Variants in RSPH9 observed in about 807,000 individuals in gnomAD.
RSPH9 encodes radial spoke head component 9, also known as radial spoke head protein 9 homolog.
Under a neutral mutation model 27.0 loss-of-function variants are expected in RSPH9, and 27 were observed. The ratio of observed to expected loss-of-function variants is 1.00; its 90% confidence interval spans 0.74 to 1.38. The LOEUF (loss-of-function observed/expected upper bound fraction) is 1.38, where lower values mean the gene tolerates loss of function less well. Among genes scored for constraint, RSPH9 ranks in the 40% most tolerant of loss-of-function variants. RSPH9 has a pLI of 0.00. For synonymous variants in RSPH9, 145 were observed against 147.7 expected, an observed-to-expected ratio of 0.98 and a Z score of 0.13; for missense variants, 347 against 357.4, an observed-to-expected ratio of 0.97 and a Z score of 0.24.
intron 2 of RSPH9, among the ~76,000 whole-genome samples, chr6:43,651,768 C>T (rs926271197): frequency 3.3e-5 from 5 of 151,970 alleles, no homozygotes; most frequent in Non-Finnish European, 7.4e-5. Flanking sequence ...AGGCTGGTCT[C>T]GAACTCCTGA....
chr6:43,656,596 C>G lies in RSPH9; in HGVS notation c.543C>G (p.Ala181=). The change falls in exon 4 of 5, where the codon GCC becomes GCG. Residue 181 remains alanine, a synonymous_variant. Coordinates refer to ENST00000372163, the MANE Select transcript of RSPH9 (RefSeq NM_152732.5). ...RTFEGLSLSE[A]KKLSSYFHFR... is the part of the protein sequence containing the mutation. ...TTCTAGGACTGTCCTTGTCTGAGGC[C>G]AAGAAGCTCAGCTCCTACTTCCATT... The G allele has an allele frequency of 1.2e-6, 2 of 1,614,150 alleles. No homozygotes were observed. The highest frequency in any genetic ancestry group is 2.2e-5 in the South Asian group (2 of 91,076).
intron 4 of RSPH9, among the ~76,000 whole-genome samples, chr6:43,663,083 C>T (rs1000142332): frequency 1.3e-5 from 2 of 152,184 alleles, no homozygotes; most frequent in African/African-American, 4.8e-5. Flanking sequence ...CAGGGATGAA[C>T]CACCATGCCT....
At chr6:43,655,101 G>C (rs539248658) in intron 2 of RSPH9, among the ~76,000 whole-genome samples, 20 of 152,308 alleles carry the variant, frequency 1.3e-4, no homozygotes, top group African/African-American at 4.6e-4. Context: ...TAGGAGGTAG[G>C]ATTATGAGTG....
chr6:43,661,778 G>A (rs1018527854), intron 4 of RSPH9, among the ~76,000 whole-genome samples: 1 of 151,822 alleles, frequency 6.6e-6, no homozygotes, highest in African/African-American at 2.4e-5. Flanking sequence ...AGTGATCTTA[G>A]CCAGGTCTTC....
chr6:43,670,178 T>C (rs907579629), intron 4 of RSPH9, among the ~76,000 whole-genome samples: 11 of 152,190 alleles, frequency 7.2e-5, no homozygotes, highest in African/African-American at 2.4e-4. Flanking sequence ...TGCCTGTGGA[T>C]TGGATTCAGC....
At chr6:43,646,224 T>C (rs1372599947) in intron 1 of RSPH9, among the ~76,000 whole-genome samples, 1 of 151,942 alleles carries the variant, frequency 6.6e-6, no homozygotes, top group East Asian at 1.9e-4. Flanking sequence ...CTCCGCCTCC[T>C]GGGTTCACGC....
At chr6:43,660,283 T>C (rs764684068) in intron 4 of RSPH9, among the ~76,000 whole-genome samples, 8 of 151,932 alleles carry the variant, frequency 5.3e-5, no homozygotes, top group African/African-American at 1.9e-4. Context: ...TCAAGTGATC[T>C]GCCCACCTCA....
At chr6:43,655,714 C>G (rs1369219547) in intron 3 of RSPH9, 23 bp downstream of exon 3, 2 of 1,614,116 alleles carry the variant, frequency 1.2e-6, no homozygotes, top group South Asian at 2.2e-5. Flanking sequence ...GGGCCCCTCT[C>G]AAGGGCTGGG....
intron 2 of RSPH9, among the ~76,000 whole-genome samples, chr6:43,653,169 T>A (rs1561938813): frequency 1.3e-5 from 2 of 152,022 alleles, no homozygotes; most frequent in East Asian, 3.9e-4. Context: ...AATGACCATA[T>A]AGCTGGGCAT....
rs9462914 is a variant in RSPH9, at chr6:43,647,407, G to A, written c.227+2082G>A. Among the ~76,000 whole-genome samples, 718 of 152,298 alleles carry A rather than the reference G, an allele frequency of 4.7e-3. 9 individuals are homozygous for A. Among genetic ancestry groups the A allele is most frequent in the African/African-American group, 0.016 (661 of 41,552 alleles). On this transcript the variant is annotated intron_variant, in intron 1 of 4. Coordinates refer to ENST00000372163, the MANE Select transcript of RSPH9 (RefSeq NM_152732.5). ...AGTGTGGTGAGCACTGTGGTTAGGA[G>A]TCCATTGTAGTGTCCATATGAATGA...
chr6:43,658,212 A>C (rs1449284036), intron 4 of RSPH9, among the ~76,000 whole-genome samples: 4 of 148,632 alleles, frequency 2.7e-5, no homozygotes, highest in Non-Finnish European at 5.9e-5. Context: ...AATTGCTTGA[A>C]TCTGGGAGGC....
chr6:43,656,148 C>T (rs1270668602), intron 3 of RSPH9, among the ~76,000 whole-genome samples: 2 of 148,980 alleles, frequency 1.3e-5, no homozygotes, highest in Non-Finnish European at 3.0e-5. Context: ...TGCAGTGGCA[C>T]AATCTTGGCT....
chr6:43,658,291 CAA>C (rs58592648), intron 4 of RSPH9, among the ~76,000 whole-genome samples: 890 of 24,662 alleles, frequency 0.036, 4 homozygotes, highest in African/African-American at 0.14. Flanking sequence ...AACTCCGTCT[CAA>C]AAAAAAAAAA....
In RSPH9 at chr6:43,672,076, C is replaced by G. The variant is rs1020704330; in HGVS notation, c.*1127C>G. 3 of 796,662 alleles carry G rather than the reference C, an allele frequency of 3.8e-6. No individual in the cohort carries two copies. Among genetic ancestry groups the G allele is most frequent in the Non-Finnish European group, 5.8e-6 (3 of 515,714 alleles). The allele number at this position is 796,662 out of a possible 1,614,324, so 49.3% of individuals were successfully genotyped here. A position where few individuals can be genotyped will look rare whatever the true frequency, so the allele number is the denominator to read the frequency against. ...TTCCTGGGAGTAACTGCTGAGCGTC[C>G]TGTAAACAGATGGGCTGGGCTCTTG... On this transcript the variant is annotated 3_prime_UTR_variant, in exon 5 of 5. Transcript: ENST00000372163.
chr6:43,649,176 G>GTTTTGT (rs1216471237), intron 1 of RSPH9, among the ~76,000 whole-genome samples: 4 of 151,624 alleles, frequency 2.6e-5, no homozygotes, highest in African/African-American at 7.3e-5. Flanking sequence ...GTTTTTTTTT[G>GTTTTGT]TTTTGTTTTT....
intron 4 of RSPH9, among the ~76,000 whole-genome samples, chr6:43,664,203 GTGA>G (rs201263407): frequency 1.2e-4 from 18 of 151,970 alleles, no homozygotes; most frequent in African/African-American, 3.4e-4. Flanking sequence ...AAGTAAACCT[GTGA>G]TGATGATGAT....
chr6:43,645,317 G>C lies in RSPH9; in HGVS notation c.219G>C (p.Thr73=). Residue 73 remains threonine (T), a synonymous_variant, in exon 1 of 5, where the codon ACG becomes ACC. Coordinates refer to ENST00000372163, the MANE Select transcript of RSPH9 (RefSeq NM_152732.5). ...AGGACCAGCTCGCACCGCGCAAGACGCTCTATAGGTGAGGAGGCCCCCGGG... is the reference window on the plus strand; with the variant it reads ...AGGACCAGCTCGCACCGCGCAAGACCCTCTATAGGTGAGGAGGCCCCCGGG... ...LSEDQLAPRK[T]LYSLNCTEWS... 6.9e-7 allele frequency: 1 copy of C among 1,451,828 alleles called. No individual in the cohort carries two copies. 89.9% of individuals were successfully genotyped at this position (1,451,828 alleles called of 1,614,324 possible). A position where few individuals can be genotyped will look rare whatever the true frequency, so the allele number is the denominator to read the frequency against.
intron 4 of RSPH9, among the ~76,000 whole-genome samples, chr6:43,665,137 G>A (rs1773019022): frequency 6.6e-6 from 1 of 152,226 alleles, no homozygotes; most frequent in South Asian, 2.1e-4. Context: ...CATCCACTGT[G>A]CAGCAAGAGG....
chr6:43,651,723 A>G (rs915095288), intron 2 of RSPH9, among the ~76,000 whole-genome samples: 6 of 151,770 alleles, frequency 4.0e-5, no homozygotes, highest in African/African-American at 1.5e-4. Flanking sequence ...TAATTTTTGT[A>G]TTTTTAATAG....
Sources: gnomAD v4.1 joint callset for allele counts (sites outside exome capture counted in the v4.1 genomes callset) on GRCh38, gnomAD v4.1.1 for gene constraint, MANE v1.5 for transcripts, NCBI Gene and HGNC (gene_info 2026-07-23, HGNC 2026-07-21) for gene names.